FNDC3A: variants seen among roughly 807,000 people sequenced by gnomAD.
The protein encoded by FNDC3A is fibronectin type III domain containing 3A.
A neutral mutation model predicts 148.9 loss-of-function variants in FNDC3A; 32 were observed. That is an observed-to-expected ratio of 0.21 (90% CI 0.16 to 0.29). The LOEUF (loss-of-function observed/expected upper bound fraction) is 0.29, where lower values mean the gene tolerates loss of function less well. Ranked by LOEUF, FNDC3A falls within the 10% of genes least tolerant of loss-of-function variation. FNDC3A has a pLI of 1.00. For missense variants in FNDC3A, 1,191 were observed against 1,452.8 expected (o/e 0.82, Z 2.93); for synonymous variants, 472 against 473.6 (o/e 1.00, Z 0.04).
chr13:49,004,147 G>A (rs1442175965), intron 1 of FNDC3A, among the ~76,000 whole-genome samples: 1 of 152,050 alleles, frequency 6.6e-6, no homozygotes, highest in Non-Finnish European at 1.5e-5. Context: ...AAAACTAAGA[G>A]GGTATTTGAG....
intron 4 of FNDC3A, among the ~76,000 whole-genome samples, chr13:49,124,289 A>G (rs970828419): frequency 6.6e-6 from 1 of 152,154 alleles, no homozygotes; most frequent in African/African-American, 2.4e-5. Context: ...GGAGTTGAAC[A>G]ATGAGAACAC....
intron 4 of FNDC3A, among the ~76,000 whole-genome samples, chr13:49,118,380 G>A (rs186705705): frequency 9.8e-5 from 15 of 152,286 alleles, no homozygotes; most frequent in South Asian, 8.3e-4. Context: ...GATTCCCTTC[G>A]GTGCCTATAC....
chr13:49,019,175 G>A (rs989950494), intron 2 of FNDC3A, among the ~76,000 whole-genome samples: 24 of 152,338 alleles, frequency 1.6e-4, no homozygotes, highest in African/African-American at 5.8e-4. Context: ...GCAAGCCTGG[G>A]CAATGGCGGG....
intron 2 of FNDC3A, among the ~76,000 whole-genome samples, chr13:49,068,065 G>A (rs1049620306): frequency 6.6e-6 from 1 of 152,080 alleles, no homozygotes; most frequent in East Asian, 1.9e-4. Context: ...GCCAAGCATT[G>A]TGGCTGTCCT....
At chr13:49,066,770 G>A (rs977287224) in intron 2 of FNDC3A, among the ~76,000 whole-genome samples, 1 of 150,994 alleles carries the variant, frequency 6.6e-6, no homozygotes. Context: ...AGGTATACAC[G>A]TGCCATGGTG....
intron 1 of FNDC3A, among the ~76,000 whole-genome samples, chr13:48,990,359 T>G (rs977923166): frequency 6.6e-6 from 1 of 152,096 alleles, no homozygotes; most frequent in South Asian, 2.1e-4. Context: ...ACAAGGAGTT[T>G]AGAGTACTGG....
At chr13:49,120,782 C>G (rs891463514) in intron 4 of FNDC3A, among the ~76,000 whole-genome samples, 1 of 152,090 alleles carries the variant, frequency 6.6e-6, no homozygotes, top group South Asian at 2.1e-4. Context: ...ATCAGTGCAA[C>G]CAGAAGAGCT....
chr13:49,040,834 TAA>T (rs757474101), intron 2 of FNDC3A, among the ~76,000 whole-genome samples: 8 of 152,250 alleles, frequency 5.3e-5, no homozygotes, highest in Non-Finnish European at 1.0e-4. Context: ...GTCACACTTA[TAA>T]GAGTTACTTG....
Position 49,008,618 on chromosome 13 carries a change from C to T in FNDC3A, c.99+2329C>T, listed in dbSNP as rs540450859. ...TGGCTATTAAGATTATCTGTCTCCTCATTAATATTTTCTGGTTTAGTACAG... is the reference window on the plus strand; with the variant it reads ...TGGCTATTAAGATTATCTGTCTCCTTATTAATATTTTCTGGTTTAGTACAG... On this transcript the variant is annotated intron_variant, in intron 2 of 25. Coordinates refer to ENST00000492622, the MANE Select transcript of FNDC3A (RefSeq NM_001079673.2). Among the ~76,000 whole-genome samples, 3 of 152,246 alleles carry T rather than the reference C, an allele frequency of 2.0e-5. No homozygotes were observed. The South Asian group carries it at 6.2e-4, about 32-fold the overall frequency.
intron 2 of FNDC3A, among the ~76,000 whole-genome samples, chr13:49,008,372 G>A (rs936962592): frequency 6.6e-6 from 1 of 152,100 alleles, no homozygotes; most frequent in African/African-American, 2.4e-5. Context: ...TTATTGATAC[G>A]CCAAGTTATA....
intron 1 of FNDC3A, among the ~76,000 whole-genome samples, chr13:48,999,925 G>GTT (rs1952094942): frequency 6.6e-6 from 1 of 152,168 alleles, no homozygotes; most frequent in Admixed American, 6.5e-5. Context: ...GCCTCCAGAA[G>GTT]TGTGACAAAT....
At chr13:49,057,895 T>G (rs1247596874) in intron 2 of FNDC3A, among the ~76,000 whole-genome samples, 2 of 152,162 alleles carry the variant, frequency 1.3e-5, no homozygotes, top group Non-Finnish European at 2.9e-5. Context: ...TAGAGTAGTA[T>G]TTTTCCTAAA....
chr13:49,057,248 T>C (rs79753268), intron 2 of FNDC3A, among the ~76,000 whole-genome samples: 324 of 152,330 alleles, frequency 2.1e-3, no homozygotes, highest in African/African-American at 7.5e-3. Flanking sequence ...GGAGCTTTCT[T>C]ACGTCCTTCT....
intron 1 of FNDC3A, among the ~76,000 whole-genome samples, chr13:48,992,291 C>T (rs1292168663): frequency 2.0e-5 from 3 of 151,994 alleles, no homozygotes; most frequent in East Asian, 1.9e-4. Context: ...AATGACAAAT[C>T]GATAAATTGT....
rs1225343265 is a variant in FNDC3A, at chr13:49,168,691, T to A, written c.1116T>A (p.Asp372Glu). The change falls in exon 10 of 26, where the codon GAT becomes GAA. Residue 372 changes from aspartate (D) to glutamate (E), a missense_variant. Coordinates refer to ENST00000492622, the MANE Select transcript of FNDC3A (RefSeq NM_001079673.2). Reference protein sequence around the residue: ...EIFTTLSCEPDIPNPPRIANR... With the variant: ...EIFTTLSCEPEIPNPPRIANR... ...TTACCACCTTGAGCTGTGAACCTGATATACCTAATCCACCAAGGATAGCCA... is the reference window on the plus strand; with the variant it reads ...TTACCACCTTGAGCTGTGAACCTGAAATACCTAATCCACCAAGGATAGCCA... 10 of 1,613,102 alleles carry A rather than the reference T, an allele frequency of 6.2e-6. No homozygotes were observed. The highest frequency in any genetic ancestry group is 7.6e-6 in the Non-Finnish European group (9 of 1,179,236).
intron 8 of FNDC3A, among the ~76,000 whole-genome samples, chr13:49,152,668 C>T (rs1883384810): frequency 6.9e-6 from 1 of 145,064 alleles, no homozygotes; most frequent in Admixed American, 7.1e-5. Flanking sequence ...CCCCTCCCCC[C>T]TACCCCCACC....
At chr13:49,032,929 G>C (rs1874232081) in intron 2 of FNDC3A, among the ~76,000 whole-genome samples, 1 of 151,942 alleles carries the variant, frequency 6.6e-6, no homozygotes, top group African/African-American at 2.4e-5. Flanking sequence ...TTAAATATAT[G>C]TTTATATAAT....
intron 1 of FNDC3A, among the ~76,000 whole-genome samples, chr13:49,002,422 T>C (rs992155470): frequency 5.3e-5 from 8 of 152,232 alleles, no homozygotes; most frequent in Admixed American, 3.9e-4. Flanking sequence ...AGAATGATCA[T>C]GTGGTACCTT....
intron 9 of FNDC3A, 62 bp downstream of exon 9, chr13:49,167,365 A>G: frequency 1.1e-6 from 1 of 891,952 alleles, no homozygotes; most frequent in Non-Finnish European, 1.7e-6. Context: ...TTTTTAAATA[A>G]TTATTTTCTT....
Sources: gnomAD v4.1 joint callset for allele counts (sites outside exome capture counted in the v4.1 genomes callset) on GRCh38, gnomAD v4.1.1 for gene constraint, MANE v1.5 for transcripts, NCBI Gene and HGNC (gene_info 2026-07-23, HGNC 2026-07-21) for gene names.